TMX4: variants seen among roughly 807,000 people sequenced by gnomAD.
TMX4 encodes thioredoxin related transmembrane protein 4.
A neutral mutation model predicts 33.3 loss-of-function variants in TMX4; 23 were observed. The observed-to-expected ratio is 0.69, with a 90% CI of 0.50 to 0.98. The LOEUF is 0.98. Among genes scored for constraint, TMX4 ranks in the 50% least tolerant of loss-of-function variants. The pLI, the probability that TMX4 is intolerant of heterozygous loss-of-function variation, is 0.00. For synonymous variants in TMX4, 164 were observed against 161.5 expected (o/e 1.02, Z -0.12); for missense variants, 399 against 448.9 (o/e 0.89, Z 1.01).
At chr20:7,998,114 C>T (rs999306297) in intron 4 of TMX4, among the ~76,000 whole-genome samples, 3 of 152,104 alleles carry the variant, frequency 2.0e-5, no homozygotes, top group Non-Finnish European at 2.9e-5. Context: ...CCTTCCTGTA[C>T]AGCCTGTAGA....
At chr20:8,002,784 T>C (rs767765703) in intron 2 of TMX4, among the ~76,000 whole-genome samples, 1 of 152,204 alleles carries the variant, frequency 6.6e-6, no homozygotes, top group African/African-American at 2.4e-5. Context: ...TAGTAACAAA[T>C]GATGCGTCTT....
intron 1 of TMX4, among the ~76,000 whole-genome samples, chr20:8,011,157 TA>T (rs1247634434): frequency 2.0e-5 from 3 of 152,140 alleles, no homozygotes; most frequent in African/African-American, 7.2e-5. Context: ...TGAGCATTTT[TA>T]AAATGCCAAT....
chr20:7,989,478 T>C (rs569453702), intron 5 of TMX4, among the ~76,000 whole-genome samples: 145 of 152,368 alleles, frequency 9.5e-4, no homozygotes, highest in Non-Finnish European at 1.8e-3. Context: ...AGCATTGCAT[T>C]CTGACTCAAA....
In TMX4 at chr20:8,019,726, C is replaced by G; in HGVS notation, c.-113G>C. On this transcript the variant is annotated 5_prime_UTR_variant, in exon 1 of 8. Coordinates refer to ENST00000246024, the MANE Select transcript of TMX4 (RefSeq NM_021156.4). The stretch of plus-strand genomic sequence containing the variant: ...AGGAAGCGGGAGACGCAAGGGCCAC[C>G]CCGCCTACGCCTAGCGGCGCAGACT... 1 of 914,780 alleles carries G rather than the reference C, an allele frequency of 1.1e-6. No homozygotes were observed. Among genetic ancestry groups the G allele is most frequent in the South Asian group, 3.7e-5 (1 of 26,860 alleles). 56.7% of individuals were successfully genotyped at this position (914,780 alleles called of 1,614,324 possible).
intron 3 of TMX4, among the ~76,000 whole-genome samples, chr20:8,001,010 C>T (rs764818165): frequency 3.2e-4 from 49 of 152,264 alleles, no homozygotes; most frequent in Admixed American, 7.2e-4. Context: ...ATCCTACCTC[C>T]TAAGTATCTC....
intron 1 of TMX4, 78 bp from the exon 2 acceptor site, chr20:8,010,393 T>A: frequency 2.2e-6 from 2 of 890,184 alleles, no homozygotes; most frequent in Non-Finnish European, 3.1e-6. Flanking sequence ...GTATTTAAAT[T>A]AAAAAATAAA....
chr20:8,011,588 G>A (rs1289889075), intron 1 of TMX4, among the ~76,000 whole-genome samples: 1 of 152,050 alleles, frequency 6.6e-6, no homozygotes, highest in African/African-American at 2.4e-5. Context: ...TAAAAGATGA[G>A]TCAGGGGTTA....
rs868643905 is a variant in TMX4 at position 8,018,479 on chromosome 20, G to A, written c.176+959C>T. 4.8e-3 allele frequency among the ~76,000 whole-genome samples: 162 copies of A among 33,666 alleles called. 1 individual carries two copies. Among genetic ancestry groups the A allele is most frequent in the Non-Finnish European group, 6.1e-3 (121 of 19,800 alleles). The allele number at this position is 33,666 out of a possible 152,430, so 22.1% of individuals were successfully genotyped here. On this transcript the variant is annotated intron_variant, in intron 1 of 7. Transcript: ENST00000246024. ...GGGAGGGAGGGAGGGAGGGAGGGAGGGGGAGAGAGAGAGAGAGAGAGAGAG... is the reference window on the plus strand; with the variant it reads ...GGGAGGGAGGGAGGGAGGGAGGGAGAGGGAGAGAGAGAGAGAGAGAGAGAG...
intron 5 of TMX4, among the ~76,000 whole-genome samples, chr20:7,990,836 AG>A (rs2050651339): frequency 6.6e-6 from 1 of 152,240 alleles, no homozygotes; most frequent in South Asian, 2.1e-4. Context: ...ATGATGGCCA[AG>A]GGTTCACCTC....
rs2122846000 is a variant in TMX4 at position 7,979,763 on chromosome 20, T to C, written c.*2488A>G. 6.6e-6 allele frequency: 1 copy of C among 151,452 alleles called. No homozygotes were observed. Among genetic ancestry groups the C allele is most frequent in the Non-Finnish European group, 1.5e-5 (1 of 67,826 alleles). 9.4% of individuals were successfully genotyped at this position (151,452 alleles called of 1,614,324 possible). ...AAAAAAAAAAAAAAAAGAAAATACA[T>C]TTTTCTTATTATATAATTAGATATA... On this transcript the variant is annotated 3_prime_UTR_variant, in exon 8 of 8. Transcript: ENST00000246024.
intron 1 of TMX4, among the ~76,000 whole-genome samples, chr20:8,012,894 A>G (rs558319572): frequency 2.0e-5 from 3 of 152,164 alleles, no homozygotes; most frequent in Admixed American, 1.3e-4. Context: ...CACAGATTTA[A>G]TCACAGCTGA....
rs146075809 is a variant in TMX4, at chr20:8,006,571, G to A, written c.292+3629C>T. ...TTTACTATTCATTCAAGACGTTAGT[G>A]TTTGTAAAAAGTAAATAAATAAACT... On this transcript the variant is annotated intron_variant, in intron 2 of 7. Transcript: ENST00000246024. Among the ~76,000 whole-genome samples the A allele has an allele frequency of 4.6e-5, 7 of 152,250 alleles. No individual in the cohort carries two copies. In the East Asian group the frequency reaches 1.4e-3, roughly 29 times the overall value.
intron 2 of TMX4, among the ~76,000 whole-genome samples, chr20:8,008,029 T>C (rs2050737821): frequency 1.3e-5 from 2 of 152,248 alleles, no homozygotes; most frequent in Admixed American, 1.3e-4. Flanking sequence ...CTGTTTATGG[T>C]AGAAACTCAA....
chr20:7,989,003 G>C lies in TMX4; in HGVS notation c.514-1614C>G, dbSNP rs1429200821. Among the ~76,000 whole-genome samples the C allele has an allele frequency of 5.3e-5, 8 of 151,380 alleles. No individual in the cohort carries two copies. The East Asian group carries it at 1.5e-3, about 29-fold the overall frequency. ...CCACTGCACTCCAGCCTGGGTGACA[G>C]GGCAAGACTCCGTCTCAAGAAAAAA... On this transcript the variant is annotated intron_variant, in intron 5 of 7. Transcript: ENST00000246024.
intron 1 of TMX4, 51 bp from the exon 2 acceptor site, chr20:8,010,366 CA>C (rs1315500953): frequency 8.6e-7 from 1 of 1,166,324 alleles, no homozygotes; most frequent in East Asian, 2.8e-5. Context: ...AAGAAATCTG[CA>C]AAACAGAGAA....
At chr20:7,986,430 A>G (rs2122853548) in intron 6 of TMX4, among the ~76,000 whole-genome samples, 1 of 152,358 alleles carries the variant, frequency 6.6e-6, no homozygotes, top group African/African-American at 2.4e-5. Flanking sequence ...AAAATTCATT[A>G]TAAAATATAA....
intron 1 of TMX4, chr20:8,019,217 C>T (rs1377752229): frequency 3.6e-6 from 2 of 549,118 alleles, no homozygotes; most frequent in South Asian, 2.3e-5. Flanking sequence ...CCCACAGCCG[C>T]AGGTCGTTGG....
Position 7,987,408 on chromosome 20 carries a change from A to C in TMX4, c.514-19T>G, listed in dbSNP as rs1309769729. 1 of 1,544,328 alleles carries C rather than the reference A, an allele frequency of 6.5e-7. No homozygotes were observed. The highest frequency in any genetic ancestry group is 8.7e-7 in the Non-Finnish European group (1 of 1,149,078). On this transcript the variant is annotated intron_variant, in intron 5 of 7. Transcript: ENST00000246024. ...GAAGATGCTGGAATCAGAAGAAAAA[A>C]AATAAAACATTAATTTTTAAGAGAA... is the stretch of plus-strand genomic sequence containing the variant.
At chr20:8,002,945 GAA>G (rs929582998) in intron 2 of TMX4, among the ~76,000 whole-genome samples, 6 of 151,716 alleles carry the variant, frequency 4.0e-5, no homozygotes, top group Non-Finnish European at 7.4e-5. Context: ...TTGTACATTG[GAA>G]AAAAAAGTTT....
Sources: gnomAD v4.1 joint callset for allele counts (sites outside exome capture counted in the v4.1 genomes callset) on GRCh38, gnomAD v4.1.1 for gene constraint, MANE v1.5 for transcripts, NCBI Gene and HGNC (gene_info 2026-07-23, HGNC 2026-07-21) for gene names.